TNC: variants seen among roughly 807,000 people sequenced by gnomAD.
The protein encoded by TNC is tenascin.
A neutral mutation model predicts 202.4 loss-of-function variants in TNC; 109 were observed. The ratio of observed to expected loss-of-function variants is 0.54; its 90% CI spans 0.46 to 0.63. TNC has a LOEUF of 0.63. Ranked by LOEUF, TNC falls within the 30% of genes least tolerant of loss-of-function variation. The probability of loss-of-function intolerance (pLI) is 0.00; values close to 1 mark genes in which losing one functional copy is unlikely to be tolerated. For missense variants in TNC, 2,756 were observed against 2,833.3 expected, an observed-to-expected ratio of 0.97 and a Z score of 0.62; for synonymous variants, 1,007 against 1,089.7, an observed-to-expected ratio of 0.92 and a Z score of 1.50.
intron 25 of TNC, among the ~76,000 whole-genome samples, chr9:115,029,126 G>A (rs1216676769): frequency 1.3e-5 from 2 of 149,884 alleles, no homozygotes; most frequent in African/African-American, 4.9e-5. Context: ...CGTTGGCTAA[G>A]TAAACCTCTA....
rs1427683258 is a variant in TNC at position 115,094,815 on chromosome 9, CTCTGTGTGTGTGTGTGTGTG to C, written c.-136-3681_-136-3662del. 8.2e-4 allele frequency among the ~76,000 whole-genome samples: 103 copies of C among 125,302 alleles called. 2 individuals carry two copies. The highest frequency in any genetic ancestry group is 3.1e-3 in the South Asian group (12 of 3,862). The allele number at this position is 125,302 out of a possible 152,430, so 82.2% of individuals were successfully genotyped here. A position where few individuals can be genotyped will look rare whatever the true frequency, so the allele number is the denominator to read the frequency against. On this transcript the variant is annotated intron_variant, in intron 1 of 27. Transcript: ENST00000350763. ...TAGCCCCTAAGGACAGAACAAGTGCCTCTGTGTGTGTGTGTGTGTGTGTGTGTGTGTGTGTGTGTGTGTGT... is the reference window on the plus strand; with the variant it reads ...TAGCCCCTAAGGACAGAACAAGTGCCTGTGTGTGTGTGTGTGTGTGTGTGT...
chr9:115,033,698 C>T (rs1412128287), intron 22 of TNC, among the ~76,000 whole-genome samples: 1 of 152,198 alleles, frequency 6.6e-6, no homozygotes, highest in African/African-American at 2.4e-5. Flanking sequence ...AGATTGGATA[C>T]AGCCACTCAT....
chr9:115,021,084 T>G lies in TNC; in HGVS notation c.*73A>C. The G allele has an allele frequency of 7.9e-7, 1 of 1,270,016 alleles. No individual in the cohort carries two copies. The highest frequency in any genetic ancestry group is 1.1e-6 in the Non-Finnish European group (1 of 879,868). The allele number at this position is 1,270,016 out of a possible 1,614,324, so 78.7% of individuals were successfully genotyped here. A position where few individuals can be genotyped will look rare whatever the true frequency, so the allele number is the denominator to read the frequency against. ...GGTGTGGACCGATGGTTGGGCTGGT[T>G]GTATTGATGCTTTGGTAAAATCCTT... is the stretch of plus-strand genomic sequence containing the variant. On this transcript the variant is annotated 3_prime_UTR_variant, in exon 28 of 28. Coordinates refer to ENST00000350763, the MANE Select transcript of TNC (RefSeq NM_002160.4).
intron 1 of TNC, among the ~76,000 whole-genome samples, chr9:115,114,110 G>A (rs111743786): frequency 6.6e-6 from 1 of 152,236 alleles, no homozygotes; most frequent in Admixed American, 6.5e-5. Context: ...GGGGTTTGCA[G>A]GAGGCTGGTC....
chr9:115,085,245 A>C (rs1834618996), intron 3 of TNC, among the ~76,000 whole-genome samples: 1 of 152,228 alleles, frequency 6.6e-6, no homozygotes, highest in African/African-American at 2.4e-5. Context: ...TGCAGTCTTT[A>C]GGATTAAAAA....
chr9:115,071,658 G>A (rs1440061436), intron 10 of TNC, among the ~76,000 whole-genome samples: 1 of 152,104 alleles, frequency 6.6e-6, no homozygotes, highest in African/African-American at 2.4e-5. Context: ...CTTAGATACA[G>A]CATTTATCAA....
At position 115,059,795 on chromosome 9, in the gene TNC, C is replaced by T. The variant is rs372126728; in HGVS notation, c.4241G>A (p.Arg1414Lys). 3 of 1,614,056 alleles carry T rather than the reference C, an allele frequency of 1.9e-6. No individual in the cohort carries two copies. Among genetic ancestry groups the T allele is most frequent in the Admixed American group, 1.7e-5 (1 of 60,004 alleles). Residue 1414 changes from arginine to lysine, a missense_variant, in exon 14 of 28, where the codon AGA becomes AAA. Arg to Lys is a conservative substitution (Grantham distance 26). Coordinates refer to ENST00000350763, the MANE Select transcript of TNC (RefSeq NM_002160.4). ...CCGGATCACCCCATAGATGGAGACTCTATAAGGCGTGGCAGCCTCGAGGCC... is the reference window on the plus strand; with the variant it reads ...CCGGATCACCCCATAGATGGAGACTTTATAAGGCGTGGCAGCCTCGAGGCC... The part of the protein sequence containing the change: ...IPGLEAATPY[R>K]VSIYGVIRGY...
At chr9:115,031,385 C>T (rs1275841366) in intron 23 of TNC, among the ~76,000 whole-genome samples, 168 bp downstream of exon 23, 4 of 152,218 alleles carry the variant, frequency 2.6e-5, no homozygotes, top group Admixed American at 2.6e-4. Context: ...CACCGGGATG[C>T]TCATAATCTC....
chr9:115,056,113 T>C lies in TNC; in HGVS notation c.4579+1040A>G, dbSNP rs1191545149. Among the ~76,000 whole-genome samples the C allele has an allele frequency of 2.6e-5, 4 of 152,230 alleles. No homozygotes were observed. The East Asian group carries it at 7.7e-4, about 29-fold the overall frequency. On this transcript the variant is annotated intron_variant, in intron 15 of 27. Transcript: ENST00000350763. Reference sequence around the variant, plus strand: ...ATGACAGGCAATTTTGATGCTACGATGTCAACCCTTTTCTTGGATTTCCCA... The same window carrying C: ...ATGACAGGCAATTTTGATGCTACGACGTCAACCCTTTTCTTGGATTTCCCA...
chr9:115,038,047 A>C (rs879284388), intron 20 of TNC, among the ~76,000 whole-genome samples: 13 of 152,198 alleles, frequency 8.5e-5, no homozygotes, highest in Non-Finnish European at 1.9e-4. Context: ...AAACATGTAG[A>C]GGCTGGAGAT....
chr9:115,098,462 A>G lies in TNC; in HGVS notation c.-136-7308T>C, dbSNP rs538170913. ...GGCACCTCACTGCAGGACAAAGATC[A>G]TTGCTAGACGAAGAAATCAACAATC... On this transcript the variant is annotated intron_variant, in intron 1 of 27. Transcript: ENST00000350763. Among the ~76,000 whole-genome samples the G allele has an allele frequency of 3.3e-5, 5 of 152,340 alleles. No homozygotes were observed. In the East Asian group the frequency reaches 9.7e-4, roughly 29 times the overall value.
intron 18 of TNC, among the ~76,000 whole-genome samples, chr9:115,041,871 A>G (rs1336895626): frequency 1.3e-5 from 2 of 152,232 alleles, no homozygotes; most frequent in Non-Finnish European, 2.9e-5. Flanking sequence ...AACTTCACAT[A>G]TATCCAAGAC....
intron 2 of TNC, among the ~76,000 whole-genome samples, chr9:115,088,701 T>A (rs1421539210): frequency 6.6e-6 from 1 of 151,952 alleles, no homozygotes; most frequent in Non-Finnish European, 1.5e-5. Context: ...AAGAATTTTT[T>A]AAAAAAAGCT....
chr9:115,026,628 A>G lies in TNC; in HGVS notation c.6237T>C (p.His2079=), dbSNP rs762579011. 1 of 1,613,762 alleles carries G rather than the reference A, an allele frequency of 6.2e-7. No homozygotes were observed. Among genetic ancestry groups the G allele is most frequent in the South Asian group, 1.1e-5 (1 of 91,064 alleles). ...QYELRVDLRD[H]GETAFAVYDK... is the part of the protein sequence containing the mutation. ...CATAGACAGCAAAGGCTGTCTCCCC[A>G]TGGTCCCGCAGGTCCACCCGGAGCT... The change falls in exon 26 of 28, where the codon CAT becomes CAC. Residue 2079 remains histidine (H), a synonymous_variant. Transcript: ENST00000350763.
At chr9:115,030,217 T>G (rs1231671004) in intron 24 of TNC, 37 bp downstream of exon 24, 1 of 1,572,744 alleles carries the variant, frequency 6.4e-7, no homozygotes, top group Non-Finnish European at 8.7e-7. Flanking sequence ...CCTCTTCCCC[T>G]AGGCCTGAGG....
At chr9:115,076,664 C>A in intron 7 of TNC, 89 bp from the exon 8 acceptor site, 10 of 1,430,660 alleles carry the variant, frequency 7.0e-6, no homozygotes, top group Non-Finnish European at 9.5e-6. Flanking sequence ...ATGAAACGTG[C>A]CTGGAACTGG....
At chr9:115,095,608 G>A (rs200921403) in intron 1 of TNC, among the ~76,000 whole-genome samples, 3 of 1,558 alleles carry the variant, frequency 1.9e-3, no homozygotes, top group African/African-American at 6.8e-3. Flanking sequence ...ATATATATAT[G>A]TATATATGTA....
chr9:115,086,908 C>A lies in TNC; in HGVS notation c.823G>T (p.Ala275Ser). 7 of 1,614,070 alleles carry A rather than the reference C, an allele frequency of 4.3e-6. No individual in the cohort carries two copies. Among genetic ancestry groups the A allele is most frequent in the Non-Finnish European group, 5.9e-6 (7 of 1,180,028 alleles). ...DGLCVCHDGF[A>S]GDDCNKPLCL... ...AGAGGCTTGTTGCAGTCATCGCCTG[C>A]AAAGCCATCGTGGCACACACACAAG... The change falls in exon 3 of 28, where the codon GCA becomes TCA. Residue 275 changes from alanine to serine, a missense_variant. This residue lies in a region of TNC where 2,559 missense variants were observed against 2,546.0 expected (regional missense o/e 1.01). Transcript: ENST00000350763.
chr9:115,052,866 C>T (rs1204509409), intron 15 of TNC: 4 of 702,606 alleles, frequency 5.7e-6, no homozygotes, highest in African/African-American at 1.7e-5. Flanking sequence ...TCTCCTGAGA[C>T]TGTGAATTGC....
Sources: allele counts gnomAD v4.1 joint callset (sites outside exome capture counted in the v4.1 genomes callset), GRCh38; gene constraint gnomAD v4.1.1; regional missense constraint gnomAD v4.1.1; transcripts MANE v1.5; gene names NCBI Gene and HGNC (gene_info 2026-07-23, HGNC 2026-07-21).